Variants in PIGU observed in about 807,000 individuals in gnomAD.
The protein encoded by PIGU is phosphatidylinositol glycan anchor biosynthesis class U, also known as GPI-anchor transamidase component PIGU.
A neutral mutation model predicts 49.9 loss-of-function variants in PIGU; 24 were observed. The ratio of observed to expected loss-of-function variants is 0.48; its 90% CI spans 0.35 to 0.68. PIGU has a LOEUF of 0.68. Ranked by LOEUF, PIGU falls within the 30% of genes least tolerant of loss-of-function variation. The probability of loss-of-function intolerance (pLI) is 0.01; values close to 1 mark genes in which losing one functional copy is unlikely to be tolerated. For missense variants in PIGU, 490 were observed against 532.6 expected (o/e 0.92, Z 0.79); for synonymous variants, 220 against 205.7 (o/e 1.07, Z -0.59).
chr20:34,667,935 G>A (rs1193200371), intron 1 of PIGU, among the ~76,000 whole-genome samples: 3 of 152,008 alleles, frequency 2.0e-5, no homozygotes, highest in Non-Finnish European at 4.4e-5. Context: ...CAGTATTAGG[G>A]CATTTCAATA....
chr20:34,601,021 C>T (rs184735763), intron 7 of PIGU, among the ~76,000 whole-genome samples: 5 of 147,900 alleles, frequency 3.4e-5, no homozygotes, highest in Admixed American at 1.4e-4. Flanking sequence ...GCAAAAAGAA[C>T]GAAACTCTGT....
intron 9 of PIGU, among the ~76,000 whole-genome samples, chr20:34,583,242 A>T (rs12481268): frequency 1.3e-5 from 2 of 152,212 alleles, no homozygotes; most frequent in African/African-American, 2.4e-5. Flanking sequence ...CTTCCTAAAC[A>T]CAATCCACAT....
chr20:34,676,204 C>T (rs1987492808), intron 1 of PIGU, among the ~76,000 whole-genome samples: 1 of 152,112 alleles, frequency 6.6e-6, no homozygotes, highest in Non-Finnish European at 1.5e-5. Context: ...CAAAACCCTA[C>T]ATCCTTCAAG....
intron 10 of PIGU, among the ~76,000 whole-genome samples, chr20:34,576,762 C>G (rs1209046482): frequency 6.6e-6 from 1 of 152,188 alleles, no homozygotes; most frequent in Non-Finnish European, 1.5e-5. Context: ...GCTGGAACTA[C>G]AGGCATGCAC....
chr20:34,677,048 A>G lies in PIGU; in HGVS notation c.38T>C (p.Val13Ala). 5 of 1,574,174 alleles carry G rather than the reference A, an allele frequency of 3.2e-6. No individual in the cohort carries two copies. The South Asian group carries it at 5.8e-5, about 18-fold the overall frequency. Residue 13 changes from valine (V) to alanine (A), a missense_variant, in exon 1 of 12, where the codon GTG (valine) becomes GCG (alanine). By Grantham distance (64) the Val-to-Ala change is moderately conservative. Coordinates refer to ENST00000217446, the MANE Select transcript of PIGU (RefSeq NM_080476.5). ...APLVLVLVVAVTVRAALFRSS... is the reference protein window; with the variant it reads ...APLVLVLVVAATVRAALFRSS... ...GCGGAACAAGGCCGCCCGCACTGTC[A>G]CAGCCACCACCAGCACCAGGACCAA...
chr20:34,668,477 A>ATAAAT (rs1987181608), intron 1 of PIGU, among the ~76,000 whole-genome samples: 2 of 119,166 alleles, frequency 1.7e-5, no homozygotes, highest in South Asian at 2.7e-4. Context: ...AAAAAAAAAA[A>ATAAAT]AAAAAAGGGG....
chr20:34,578,086 T>C (rs1440837597), intron 10 of PIGU, among the ~76,000 whole-genome samples: 1 of 152,236 alleles, frequency 6.6e-6, no homozygotes, highest in Non-Finnish European at 1.5e-5. Flanking sequence ...TGGTAGTTGA[T>C]TGTTTTAATG....
chr20:34,570,890 G>A (rs143034299), intron 11 of PIGU, among the ~76,000 whole-genome samples: 5 of 151,866 alleles, frequency 3.3e-5, no homozygotes, highest in African/African-American at 1.2e-4. Flanking sequence ...AAAATAAAAG[G>A]GTTAAAAAAA....
chr20:34,612,477 C>T (rs547271852), intron 7 of PIGU, among the ~76,000 whole-genome samples: 1 of 152,008 alleles, frequency 6.6e-6, no homozygotes, highest in African/African-American at 2.4e-5. Context: ...TTTGTTATAC[C>T]TATGTAACAA....
chr20:34,622,022 G>A (rs527662749), intron 6 of PIGU, among the ~76,000 whole-genome samples: 6 of 152,256 alleles, frequency 3.9e-5, no homozygotes, highest in African/African-American at 1.4e-4. Context: ...GGGGCTGTGT[G>A]TACTGTAATT....
intron 11 of PIGU, among the ~76,000 whole-genome samples, chr20:34,561,455 C>A (rs998528690): frequency 1.3e-5 from 2 of 152,166 alleles, no homozygotes; most frequent in Non-Finnish European, 2.9e-5. Context: ...GTCAATTCCC[C>A]CTAAACTCAA....
At chr20:34,639,230 T>C (rs1600651092) in intron 4 of PIGU, among the ~76,000 whole-genome samples, 1 of 151,826 alleles carries the variant, frequency 6.6e-6, no homozygotes. Flanking sequence ...TGAAACCCCG[T>C]CTCTACTAAA....
intron 1 of PIGU, among the ~76,000 whole-genome samples, chr20:34,671,355 G>A (rs1408709514): frequency 6.6e-6 from 1 of 151,728 alleles, no homozygotes; most frequent in East Asian, 2.0e-4. Flanking sequence ...TCTGCCCCCC[G>A]GGTTCAAGTG....
chr20:34,666,618 C>G (rs909053355), intron 1 of PIGU, among the ~76,000 whole-genome samples: 14 of 151,376 alleles, frequency 9.2e-5, no homozygotes, highest in African/African-American at 3.2e-4. Context: ...CAGCCTTAAC[C>G]TCCCGGGCTC....
In PIGU at chr20:34,634,732, A is replaced by G. The variant is rs1190932585; in HGVS notation, c.429-17T>C. The G allele has an allele frequency of 6.2e-7, 1 of 1,609,042 alleles. No individual in the cohort carries two copies. The highest frequency in any genetic ancestry group is 8.5e-7 in the Non-Finnish European group (1 of 1,176,564). ...AAGAGATAGCTGGGGAAGAACAAAC[A>G]TATTTGGCATTAGTAATCCTGACCA... On this transcript the variant is annotated splice_polypyrimidine_tract_variant and intron_variant, in intron 5 of 11. Coordinates refer to ENST00000217446, the MANE Select transcript of PIGU (RefSeq NM_080476.5).
chr20:34,668,483 A>AAAAGG (rs1412365978), intron 1 of PIGU, among the ~76,000 whole-genome samples: 1,186 of 87,642 alleles, frequency 0.014, 13 homozygotes, highest in African/African-American at 0.02. Context: ...AAAAAAAAAA[A>AAAAGG]GGGGGGGGCG....
intron 7 of PIGU, among the ~76,000 whole-genome samples, chr20:34,609,114 T>TA (rs1188589481): frequency 1.1e-4 from 17 of 150,252 alleles, no homozygotes; most frequent in East Asian, 3.9e-4. Flanking sequence ...ACCCTGTCTC[T>TA]AAAAAAAAAC....
chr20:34,577,689 C>T (rs6059927), intron 10 of PIGU, among the ~76,000 whole-genome samples: 1 of 152,194 alleles, frequency 6.6e-6, no homozygotes, highest in African/African-American at 2.4e-5. Flanking sequence ...GCACTCCAGC[C>T]TGAGCAACAG....
chr20:34,635,193 G>A (rs182639257), intron 5 of PIGU, among the ~76,000 whole-genome samples: 16 of 152,286 alleles, frequency 1.1e-4, no homozygotes, highest in Non-Finnish European at 1.5e-5. Context: ...CATATCTCAA[G>A]AATAGCTACA....
Sources: gnomAD v4.1 joint callset for allele counts (sites outside exome capture counted in the v4.1 genomes callset) on GRCh38, gnomAD v4.1.1 for gene constraint, MANE v1.5 for transcripts, NCBI Gene and HGNC (gene_info 2026-07-23, HGNC 2026-07-21) for gene names.